Variants in SOX5 observed in about 807,000 individuals in gnomAD.
SOX5 encodes the protein SRY-box transcription factor 5, also known as transcription factor SOX-5.
A neutral mutation model predicts 92.0 loss-of-function variants in SOX5; 9 were observed. The ratio of observed to expected loss-of-function variants is 0.10; its 90% confidence interval spans 0.06 to 0.17. The LOEUF (loss-of-function observed/expected upper bound fraction) is 0.17. SOX5 is among the 10% of genes least tolerant of loss of function. SOX5 has a pLI of 1.00. For synonymous variants in SOX5, 344 were observed against 336.3 expected (o/e 1.02, Z -0.25); for missense variants, 642 against 944.5 (o/e 0.68, Z 4.20).
chr12:23,971,901 A>AT, intron 4 of SOX5, among the ~76,000 whole-genome samples: 1 of 152,198 alleles, frequency 6.6e-6, no homozygotes, highest in African/African-American at 2.4e-5. Flanking sequence ...ATAGGTACTT[A>AT]TTTTTTTCCA....
At chr12:23,882,317 T>C (rs2097002324) in intron 2 of SOX5, among the ~76,000 whole-genome samples, 1 of 151,412 alleles carries the variant, frequency 6.6e-6, no homozygotes, top group Non-Finnish European at 1.5e-5. Flanking sequence ...CTAAAATCCC[T>C]GAATGAAAAG....
chr12:24,013,317 G>A (rs988502527), intron 4 of SOX5, among the ~76,000 whole-genome samples: 5 of 152,070 alleles, frequency 3.3e-5, no homozygotes, highest in African/African-American at 4.8e-5. Context: ...GTATATTTAC[G>A]AAACTTACTT....
intron 1 of SOX5, among the ~76,000 whole-genome samples, chr12:24,403,927 G>A (rs1224908171): frequency 6.7e-6 from 1 of 150,034 alleles, no homozygotes; most frequent in Non-Finnish European, 1.5e-5. Context: ...ATAAAATAGT[G>A]ACAAATACTA....
At chr12:23,817,903 T>A (rs2096027733) in intron 3 of SOX5, among the ~76,000 whole-genome samples, 1 of 152,106 alleles carries the variant, frequency 6.6e-6, no homozygotes, top group African/African-American at 2.4e-5. Context: ...ATAACTAGAA[T>A]ATAGTAAGAC....
At chr12:24,219,278 T>C (rs977734137) in intron 3 of SOX5, among the ~76,000 whole-genome samples, 1 of 152,184 alleles carries the variant, frequency 6.6e-6, no homozygotes, top group African/African-American at 2.4e-5. Flanking sequence ...TAATTTATTA[T>C]ATATTTCATG....
chr12:23,643,086 C>CAAA (rs71444197), intron 7 of SOX5, among the ~76,000 whole-genome samples: 38 of 62,594 alleles, frequency 6.1e-4, no homozygotes, highest in African/African-American at 1.8e-3. Flanking sequence ...GACTCCGTCT[C>CAAA]AAAAAAAAAA....
At chr12:24,198,236 A>C (rs1024257437) in intron 4 of SOX5, among the ~76,000 whole-genome samples, 2 of 152,162 alleles carry the variant, frequency 1.3e-5, no homozygotes, top group Non-Finnish European at 2.9e-5. Flanking sequence ...AAACAATTGT[A>C]AAAAGAAAGG....
At chr12:23,893,464 G>T (rs918068071) in intron 2 of SOX5, among the ~76,000 whole-genome samples, 1 of 151,420 alleles carries the variant, frequency 6.6e-6, no homozygotes, top group Non-Finnish European at 1.5e-5. Context: ...AAATAGGAAT[G>T]GTTTCATTTG....
chr12:23,800,854 T>A (rs1243233673), intron 3 of SOX5, among the ~76,000 whole-genome samples: 10 of 152,258 alleles, frequency 6.6e-5, no homozygotes, highest in African/African-American at 2.4e-4. Context: ...TCTGTCAAAT[T>A]GAGACAATCC....
chr12:24,547,872 A>G (rs1322432383), intron 1 of SOX5, among the ~76,000 whole-genome samples: 4 of 152,230 alleles, frequency 2.6e-5, no homozygotes, highest in Admixed American at 2.0e-4. Context: ...CAGTGTTCGT[A>G]TCCCCTGGCA....
At chr12:24,269,698 T>TC (rs1943458368) in intron 3 of SOX5, among the ~76,000 whole-genome samples, 1 of 149,032 alleles carries the variant, frequency 6.7e-6, no homozygotes, top group Non-Finnish European at 1.5e-5. Flanking sequence ...CTTTTTTTTT[T>TC]TTTTTTTTTG....
At chr12:23,982,337 A>G (rs17401403) in intron 4 of SOX5, among the ~76,000 whole-genome samples, 16,771 of 152,252 alleles carry the variant, frequency 0.11, 1,095 homozygotes, top group East Asian at 0.21. Context: ...TACAGTGGGT[A>G]TAACATTTAC....
chr12:24,382,515 T>TA (rs1158611425), intron 1 of SOX5, among the ~76,000 whole-genome samples: 1 of 152,050 alleles, frequency 6.6e-6, no homozygotes, highest in Non-Finnish European at 1.5e-5. Context: ...TCAAGGGTCA[T>TA]AGTAAGGACT....
chr12:23,863,793 TACACACACACACACACACACAC>T (rs71059936), intron 2 of SOX5, among the ~76,000 whole-genome samples: 4,172 of 145,790 alleles, frequency 0.029, 89 homozygotes, highest in African/African-American at 0.062. Context: ...TTAAACACAC[TACACACACACACACACACACAC>T]ACACACACAC....
chr12:23,767,738 T>C (rs920846935), intron 3 of SOX5, among the ~76,000 whole-genome samples: 2 of 151,954 alleles, frequency 1.3e-5, no homozygotes, highest in South Asian at 2.1e-4. Flanking sequence ...TAATGAAATA[T>C]GGGGAAGGCA....
intron 6 of SOX5, among the ~76,000 whole-genome samples, chr12:23,681,326 T>C (rs1417112833): frequency 1.3e-5 from 2 of 151,612 alleles, no homozygotes; most frequent in Non-Finnish European, 3.0e-5. Flanking sequence ...ATGCTAAAAA[T>C]TAATACATAA....
intron 2 of SOX5, among the ~76,000 whole-genome samples, chr12:23,882,080 T>C (rs192392099): frequency 1.3e-5 from 2 of 152,194 alleles, no homozygotes; most frequent in Non-Finnish European, 2.9e-5. Flanking sequence ...GTTGAAGATA[T>C]ACACATCCTC....
intron 3 of SOX5, 114 bp downstream of exon 3, chr12:23,845,869 C>T: frequency 2.4e-6 from 2 of 825,510 alleles, no homozygotes; most frequent in Non-Finnish European, 4.0e-6. Flanking sequence ...AATAGGTTTC[C>T]ATCTTGCCCA....
At chr12:24,353,012 G>A (rs755815867) in intron 2 of SOX5, among the ~76,000 whole-genome samples, 45 of 152,192 alleles carry the variant, frequency 3.0e-4, no homozygotes, top group Non-Finnish European at 8.8e-5. Flanking sequence ...GGATGGGGGT[G>A]CAACCAGAAA....
Sources: allele counts gnomAD v4.1 joint callset (sites outside exome capture counted in the v4.1 genomes callset), GRCh38; gene constraint gnomAD v4.1.1; transcripts MANE v1.5; gene names NCBI Gene and HGNC (gene_info 2026-07-23, HGNC 2026-07-21).